Variants in PRKD3 observed in about 807,000 individuals in gnomAD.
The protein encoded by PRKD3 is serine/threonine-protein kinase D3.
A neutral mutation model predicts 99.2 loss-of-function variants in PRKD3; 47 were observed. The ratio of observed to expected loss-of-function variants is 0.47; its 90% CI spans 0.38 to 0.60. The LOEUF (loss-of-function observed/expected upper bound fraction) is 0.60. Ranked by LOEUF, PRKD3 falls within the 20% of genes least tolerant of loss-of-function variation. The pLI is 0.00. For missense variants in PRKD3, 1,019 were observed against 1,088.4 expected, an observed-to-expected ratio of 0.94 and a Z score of 0.90; for synonymous variants, 392 against 355.4, an observed-to-expected ratio of 1.10 and a Z score of -1.16.
chr2:37,304,948 A>T (rs1002607012), intron 2 of PRKD3, among the ~76,000 whole-genome samples: 1 of 145,470 alleles, frequency 6.9e-6, no homozygotes, highest in African/African-American at 2.5e-5. Flanking sequence ...TATGATGAAT[A>T]GTAGAATTAA....
At chr2:37,294,127 G>A (rs1218900355) in intron 2 of PRKD3, among the ~76,000 whole-genome samples, 1 of 152,110 alleles carries the variant, frequency 6.6e-6, no homozygotes, top group Non-Finnish European at 1.5e-5. Flanking sequence ...ATAGGGTCTT[G>A]TTCTGTTGCC....
At chr2:37,304,664 C>T (rs940688533) in intron 2 of PRKD3, among the ~76,000 whole-genome samples, 4 of 151,562 alleles carry the variant, frequency 2.6e-5, no homozygotes, top group Non-Finnish European at 5.9e-5. Context: ...ATCACTTGAA[C>T]CTGGGAGGTG....
At chr2:37,305,259 A>G (rs927120965) in intron 2 of PRKD3, among the ~76,000 whole-genome samples, 3 of 152,246 alleles carry the variant, frequency 2.0e-5, no homozygotes, top group East Asian at 3.8e-4. Flanking sequence ...TAACTCCTCA[A>G]TTAGGCTACA....
At chr2:37,311,517 T>C (rs1671424293) in intron 2 of PRKD3, among the ~76,000 whole-genome samples, 1 of 152,122 alleles carries the variant, frequency 6.6e-6, no homozygotes, top group Non-Finnish European at 1.5e-5. Flanking sequence ...GGCACCCAGG[T>C]GTAGGATAAT....
At chr2:37,276,698 C>T (rs1669584425) in intron 9 of PRKD3, among the ~76,000 whole-genome samples, 1 of 149,920 alleles carries the variant, frequency 6.7e-6, no homozygotes, top group South Asian at 2.1e-4. Flanking sequence ...ATAATTCTCC[C>T]AAAGTTTCTT....
intron 16 of PRKD3, among the ~76,000 whole-genome samples, chr2:37,258,261 TA>T (rs1328761853): frequency 6.6e-6 from 1 of 152,250 alleles, no homozygotes; most frequent in Non-Finnish European, 1.5e-5. Flanking sequence ...CACATATTTT[TA>T]TGAATGATAT....
chr2:37,271,584 A>C (rs116365138), intron 12 of PRKD3, among the ~76,000 whole-genome samples: 3,464 of 152,310 alleles, frequency 0.023, 59 homozygotes, highest in Middle Eastern at 0.054. Flanking sequence ...GGTGAGCAGC[A>C]GGTTAGCAAG....
chr2:37,323,521 C>G lies in PRKD3; in HGVS notation c.-656+1160G>C, dbSNP rs1034432148. Among the ~76,000 whole-genome samples the G allele has an allele frequency of 4.6e-5, 7 of 152,080 alleles. No homozygotes were observed. In the South Asian group the frequency reaches 1.5e-3, roughly 32 times the overall value. ...GCTGAATGTCCATGCTTGATCTTAA[C>G]TCGGAATCTAACAGGGAAGGAAGCA... On this transcript the variant is annotated intron_variant, in intron 1 of 18. Coordinates refer to ENST00000234179, the MANE Select transcript of PRKD3 (RefSeq NM_005813.6).
Position 37,274,433 on chromosome 2 carries a change from C to G in PRKD3, c.1639G>C (p.Gly547Arg). The G allele has an allele frequency of 6.2e-7, 1 of 1,614,120 alleles. No homozygotes were observed. The highest frequency in any genetic ancestry group is 8.5e-7 in the Non-Finnish European group (1 of 1,179,984). The part of the protein sequence containing the change: ...QASVCTSPGQ[G>R]KDHKDLSTSI... ...GTTTATTGCTTACTGTGATCTTTCC[C>G]TTGCCCTGGAGAAGTGCAAACACTT... Residue 547 changes from glycine to arginine, a missense_variant, in exon 11 of 19, where the codon GGG (glycine) becomes CGG (arginine). Physicochemically the swap from Gly to Arg is moderately radical, Grantham distance 125. Coordinates refer to ENST00000234179, the MANE Select transcript of PRKD3 (RefSeq NM_005813.6).
chr2:37,265,488 T>TAA (rs1553367763), intron 14 of PRKD3, among the ~76,000 whole-genome samples: 2 of 150,152 alleles, frequency 1.3e-5, no homozygotes, highest in East Asian at 1.9e-4. Context: ...ATCTTTATAC[T>TAA]ACACACACAC....
At chr2:37,297,905 T>C (rs1670744318) in intron 2 of PRKD3, among the ~76,000 whole-genome samples, 1 of 152,186 alleles carries the variant, frequency 6.6e-6, no homozygotes, top group Admixed American at 6.6e-5. Context: ...CCCTTTTCTA[T>C]ACATACTCTT....
chr2:37,264,978 C>T (rs756720026), intron 14 of PRKD3, among the ~76,000 whole-genome samples: 6 of 152,040 alleles, frequency 3.9e-5, no homozygotes, highest in South Asian at 4.1e-4. Flanking sequence ...TCCTTGCCAC[C>T]GGAAAGGCCA....
chr2:37,278,051 A>G, intron 8 of PRKD3, 62 bp from the exon 9 acceptor site: 1 of 1,397,804 alleles, frequency 7.2e-7, no homozygotes, highest in African/African-American at 1.5e-5. Context: ...TAAATACTGT[A>G]GGAACATGAA....
At chr2:37,287,716 G>A (rs1412920463) in intron 5 of PRKD3, among the ~76,000 whole-genome samples, 1 of 152,136 alleles carries the variant, frequency 6.6e-6, no homozygotes, top group Admixed American at 6.5e-5. Context: ...AATGTGTGTT[G>A]AATGAATGAA....
intron 2 of PRKD3, among the ~76,000 whole-genome samples, chr2:37,301,437 G>A (rs1572689047): frequency 6.6e-6 from 1 of 151,406 alleles, no homozygotes; most frequent in African/African-American, 2.4e-5. Context: ...AACCAATTCT[G>A]GATTACATTT....
At chr2:37,316,123 G>A in intron 2 of PRKD3, 114 bp downstream of exon 2, 14 of 1,132,012 alleles carry the variant, frequency 1.2e-5, no homozygotes, top group Middle Eastern at 2.6e-4. Context: ...TTCCAAAAAT[G>A]CACAGAATAA....
At chr2:37,276,425 T>C (rs1350486453) in intron 9 of PRKD3, among the ~76,000 whole-genome samples, 6 of 152,148 alleles carry the variant, frequency 3.9e-5, no homozygotes. Flanking sequence ...TTATTATAAA[T>C]GAAATCAAGT....
chr2:37,298,767 T>C (rs1030340226), intron 2 of PRKD3, among the ~76,000 whole-genome samples: 2 of 152,248 alleles, frequency 1.3e-5, no homozygotes, highest in African/African-American at 4.8e-5. Flanking sequence ...TTTCTGTATG[T>C]TGATTTTGTA....
At chr2:37,263,487 C>G (rs1322529757) in intron 14 of PRKD3, among the ~76,000 whole-genome samples, 1 of 152,168 alleles carries the variant, frequency 6.6e-6, no homozygotes, top group Non-Finnish European at 1.5e-5. Flanking sequence ...TTTTTGTCTA[C>G]TCCATTTCTC....
Sources: allele counts gnomAD v4.1 joint callset (sites outside exome capture counted in the v4.1 genomes callset), GRCh38; gene constraint gnomAD v4.1.1; transcripts MANE v1.5; gene names NCBI Gene and HGNC (gene_info 2026-07-23, HGNC 2026-07-21).